THSD4: variants seen among roughly 807,000 people sequenced by gnomAD.
The protein encoded by THSD4 is thrombospondin type 1 domain containing 4.
THSD4 carries 69 observed loss-of-function variants against 119.0 expected under a neutral mutation model. The observed-to-expected ratio is 0.58, with a 90% CI of 0.48 to 0.71. THSD4 has a LOEUF of 0.71. Among genes scored for constraint, THSD4 ranks in the 30% least tolerant of loss-of-function variants. The probability of loss-of-function intolerance (pLI) is 0.00; values close to 1 mark genes in which losing one functional copy is unlikely to be tolerated. For synonymous variants in THSD4, 524 were observed against 540.4 expected (o/e 0.97, Z 0.42); for missense variants, 1,393 against 1,391.1 (o/e 1.00, Z -0.02).
At chr15:71,181,654 C>T (rs2043529763) in intron 3 of THSD4, among the ~76,000 whole-genome samples, 2 of 152,228 alleles carry the variant, frequency 1.3e-5, no homozygotes, top group African/African-American at 4.8e-5. Flanking sequence ...TCTTTGCCAT[C>T]CCCAGCTTTG....
intron 6 of THSD4, among the ~76,000 whole-genome samples, chr15:71,318,507 C>G (rs746872898): frequency 2.9e-4 from 44 of 152,146 alleles, no homozygotes; most frequent in Non-Finnish European, 5.7e-4. Context: ...CATAAAGGCT[C>G]CTGGAATAAG....
intron 7 of THSD4, among the ~76,000 whole-genome samples, chr15:71,463,048 T>C (rs2047448676): frequency 6.6e-6 from 1 of 152,270 alleles, no homozygotes; most frequent in Non-Finnish European, 1.5e-5. Context: ...ATCAGTTTTG[T>C]TGAAGGGAAT....
chr15:71,365,960 C>T (rs551474754), intron 6 of THSD4, among the ~76,000 whole-genome samples: 2 of 152,268 alleles, frequency 1.3e-5, no homozygotes, highest in Admixed American at 1.3e-4. Flanking sequence ...AGTTAAATTA[C>T]CACTCCCCTC....
At chr15:71,289,331 C>G (rs2044760398) in intron 6 of THSD4, among the ~76,000 whole-genome samples, 1 of 152,200 alleles carries the variant, frequency 6.6e-6, no homozygotes, top group African/African-American at 2.4e-5. Flanking sequence ...TCTGAACGGA[C>G]TGTCCTGATG....
chr15:71,485,802 G>A (rs1003144726), intron 7 of THSD4, among the ~76,000 whole-genome samples: 11 of 152,114 alleles, frequency 7.2e-5, no homozygotes, highest in South Asian at 2.1e-4. Context: ...ATTAGTGGCC[G>A]TGTATATCAA....
chr15:71,406,177 T>G (rs1269804262), intron 6 of THSD4, among the ~76,000 whole-genome samples: 3 of 152,202 alleles, frequency 2.0e-5, no homozygotes, highest in African/African-American at 4.8e-5. Context: ...GTTACCAAAT[T>G]TTTTTCTGCT....
intron 7 of THSD4, among the ~76,000 whole-genome samples, chr15:71,453,481 T>G (rs1219907932): frequency 6.6e-6 from 1 of 152,174 alleles, no homozygotes; most frequent in Non-Finnish European, 1.5e-5. Context: ...CACAAACGAA[T>G]AATACATTGG....
chr15:71,382,960 T>A (rs1429736187), intron 6 of THSD4, among the ~76,000 whole-genome samples: 1 of 152,226 alleles, frequency 6.6e-6, no homozygotes, highest in African/African-American at 2.4e-5. Flanking sequence ...TTTAAGACAT[T>A]AAGTTACTGG....
intron 1 of THSD4, among the ~76,000 whole-genome samples, chr15:71,121,415 G>A (rs1267257627): frequency 1.3e-5 from 2 of 151,352 alleles, no homozygotes; most frequent in Non-Finnish European, 2.9e-5. Context: ...CATCTCCTTT[G>A]GGAAGCACAG....
intron 7 of THSD4, among the ~76,000 whole-genome samples, chr15:71,526,534 T>C (rs1468983378): frequency 1.3e-5 from 2 of 152,190 alleles, no homozygotes; most frequent in African/African-American, 4.8e-5. Context: ...AAGAAACTAT[T>C]TCAGGAATAG....
At chr15:71,410,016 G>A (rs1435822536) in intron 6 of THSD4, among the ~76,000 whole-genome samples, 3 of 151,950 alleles carry the variant, frequency 2.0e-5, no homozygotes, top group African/African-American at 7.3e-5. Context: ...GTTCTGAGAT[G>A]TTCCTTGTAG....
chr15:71,200,249 G>T (rs2043791876), intron 3 of THSD4, among the ~76,000 whole-genome samples: 1 of 152,132 alleles, frequency 6.6e-6, no homozygotes, highest in South Asian at 2.1e-4. Flanking sequence ...AGGCTGGTCT[G>T]CAGCTTCTCT....
chr15:71,573,582 T>A (rs976905297), intron 7 of THSD4, among the ~76,000 whole-genome samples: 1 of 152,210 alleles, frequency 6.6e-6, no homozygotes, highest in Admixed American at 6.5e-5. Context: ...ACCTGTGAAA[T>A]AAGTTAAACA....
rs762533385 is a variant in THSD4, at chr15:71,728,718, T to C, written c.1527T>C (p.Asp509=). 2 of 1,613,972 alleles carry C rather than the reference T, an allele frequency of 1.2e-6. No homozygotes were observed. The highest frequency in any genetic ancestry group is 1.7e-5 in the Admixed American group (1 of 60,008). The change falls in exon 9 of 18, where the codon GAT becomes GAC. Residue 509 remains aspartate, a synonymous_variant. Transcript: ENST00000261862. ...AAGGTCCCACCAACGAGATCTTGGATGTCTACGTGAGTTTGGATGTTTCTG... is the reference window on the plus strand; with the variant it reads ...AAGGTCCCACCAACGAGATCTTGGACGTCTACGTGAGTTTGGATGTTTCTG... The part of the protein sequence containing the change: ...LAEGPTNEIL[D]VYMIHQQPNP...
At chr15:71,407,599 T>TG (rs1192448618) in intron 6 of THSD4, among the ~76,000 whole-genome samples, 1 of 151,464 alleles carries the variant, frequency 6.6e-6, no homozygotes, top group African/African-American at 2.4e-5. Context: ...CACCAGCATT[T>TG]TTTTTTTTCA....
chr15:71,582,801 A>G (rs145849626), intron 7 of THSD4, among the ~76,000 whole-genome samples: 1 of 152,260 alleles, frequency 6.6e-6, no homozygotes, highest in Non-Finnish European at 1.5e-5. Flanking sequence ...TGCACATGTC[A>G]AACCTTCCTT....
intron 7 of THSD4, among the ~76,000 whole-genome samples, chr15:71,588,199 G>A (rs954818751): frequency 9.9e-5 from 15 of 151,014 alleles, no homozygotes; most frequent in Middle Eastern, 3.4e-3. Context: ...CCAGCTACTC[G>A]GGAGGCTGAG....
chr15:71,280,863 CTGT>C (rs2044643405), intron 6 of THSD4, among the ~76,000 whole-genome samples: 1 of 152,172 alleles, frequency 6.6e-6, no homozygotes, highest in Admixed American at 6.5e-5. Context: ...TTACTGAAGG[CTGT>C]GAAATCACCC....
chr15:71,153,582 A>G (rs1186990496), intron 2 of THSD4, among the ~76,000 whole-genome samples: 2 of 152,166 alleles, frequency 1.3e-5, no homozygotes. Flanking sequence ...CATACAAAAC[A>G]GGAGCTGGGG....
Sources: gnomAD v4.1 joint callset for allele counts (sites outside exome capture counted in the v4.1 genomes callset) on GRCh38, gnomAD v4.1.1 for gene constraint, MANE v1.5 for transcripts, NCBI Gene and HGNC (gene_info 2026-07-23, HGNC 2026-07-21) for gene names.